AKAP3: variants seen among roughly 807,000 people sequenced by gnomAD.
The protein encoded by AKAP3 is A-kinase anchor protein 3.
A neutral mutation model predicts 57.2 loss-of-function variants in AKAP3; 27 were observed. The ratio of observed to expected loss-of-function variants is 0.47; its 90% CI spans 0.35 to 0.65. The LOEUF is 0.65. Among genes scored for constraint, AKAP3 ranks in the 30% least tolerant of loss-of-function variants. AKAP3 has a pLI of 0.01. For missense variants in AKAP3, 959 were observed against 1,040.0 expected, an observed-to-expected ratio of 0.92 and a Z score of 1.07; for synonymous variants, 334 against 392.3, an observed-to-expected ratio of 0.85 and a Z score of 1.76.
In AKAP3 at chr12:4,627,857, T is replaced by C. The variant is rs767482374; in HGVS notation, c.1045A>G (p.Met349Val). 22 of 1,614,038 alleles carry C rather than the reference T, an allele frequency of 1.4e-5. No individual in the cohort carries two copies. Among genetic ancestry groups the C allele is most frequent in the South Asian group, 3.3e-5 (3 of 91,076 alleles). The change falls in exon 5 of 6, where the codon ATG becomes GTG. Residue 349 changes from methionine to valine, a missense_variant. Met to Val is a conservative substitution (Grantham distance 21). Coordinates refer to ENST00000228850, the MANE Select transcript of AKAP3 (RefSeq NM_001278309.2). Reference protein sequence around the residue: ...RNLHSVTGTLMTDTQFVSAVK... With the variant: ...RNLHSVTGTLVTDTQFVSAVK... ...GCCGAGACAAACTGTGTGTCAGTCA[T>C]GAGGGTCCCTGTGACGCTGTGGAGA...
chr12:4,638,807 T>C (rs1945598272), intron 3 of AKAP3, among the ~76,000 whole-genome samples: 1 of 152,222 alleles, frequency 6.6e-6, no homozygotes, highest in Non-Finnish European at 1.5e-5. Flanking sequence ...AGAGATGTCA[T>C]GTGCGCCATT....
At chr12:4,622,964 A>T (rs56182400) in intron 5 of AKAP3, among the ~76,000 whole-genome samples, 3,302 of 152,312 alleles carry the variant, frequency 0.022, 98 homozygotes, top group African/African-American at 0.073. Flanking sequence ...TGGGCAAAGG[A>T]CACAAACAGA....
Position 4,625,496 on chromosome 12 carries a change from G to A in AKAP3, c.2406+1000C>T, listed in dbSNP as rs146305836. On this transcript the variant is annotated intron_variant, in intron 5 of 5. Transcript: ENST00000228850. This position sits in a 1 kb window ranked among gnomAD's most constrained non-coding sequence, Gnocchi z 5.4. Reference sequence around the variant, plus strand: ...TAAATATAGCGACCCAGTTGCAAGCGTTGCTAATACCATGTAAATACCACT... The same window carrying A: ...TAAATATAGCGACCCAGTTGCAAGCATTGCTAATACCATGTAAATACCACT... Among the ~76,000 whole-genome samples, 240 of 152,282 alleles carry A rather than the reference G, an allele frequency of 1.6e-3. No individual in the cohort carries two copies. The highest frequency in any genetic ancestry group is 2.5e-3 in the Non-Finnish European group (173 of 68,016).
In AKAP3 at chr12:4,626,532, C is replaced by A; in HGVS notation, c.2370G>T (p.Leu790Phe). The A allele has an allele frequency of 6.2e-7, 1 of 1,614,080 alleles. No individual in the cohort carries two copies. Residue 790 changes from leucine (L) to phenylalanine (F), a missense_variant, in exon 5 of 6, where the codon TTG (leucine) becomes TTT (phenylalanine). By Grantham distance (22) the Leu-to-Phe change is conservative. Coordinates refer to ENST00000228850, the MANE Select transcript of AKAP3 (RefSeq NM_001278309.2). ...TCCCTTCATCATCACCAGCAAAATACAAAATAGGGACATTGAGCTCAGAGG... is the reference window on the plus strand; with the variant it reads ...TCCCTTCATCATCACCAGCAAAATAAAAAATAGGGACATTGAGCTCAGAGG... ...VAASELNVPI[L>F]YFAGDDEGIQ...
intron 5 of AKAP3, among the ~76,000 whole-genome samples, chr12:4,617,320 AGAATTGCTAAAG>A (rs1945296670): frequency 6.6e-6 from 1 of 152,266 alleles, no homozygotes; most frequent in South Asian, 2.1e-4. Flanking sequence ...GTGTTCTAAA[AGAATTGCTAAAG>A]GAAGTTCTTC....
chr12:4,641,701 T>C (rs1216425518), intron 3 of AKAP3, among the ~76,000 whole-genome samples, 198 bp downstream of exon 3: 3 of 152,220 alleles, frequency 2.0e-5, no homozygotes, highest in Admixed American at 1.3e-4. Context: ...TGGAAGCAGT[T>C]TGTCCTAGAT....
At chr12:4,616,302 T>C (rs1272593202) in intron 5 of AKAP3, among the ~76,000 whole-genome samples, 1 of 152,170 alleles carries the variant, frequency 6.6e-6, no homozygotes, top group Non-Finnish European at 1.5e-5. Context: ...CTCATGAAAA[T>C]GTTTCCCAGA....
In AKAP3 at chr12:4,627,619, G is replaced by T. The variant is rs1228126922; in HGVS notation, c.1283C>A (p.Thr428Asn). ...AGAATACATTTTTTCTCTCAATTTAGTTTCAGATTTCATGGCAAAGTTCAC... is the reference window on the plus strand; with the variant it reads ...AGAATACATTTTTTCTCTCAATTTATTTTCAGATTTCATGGCAAAGTTCAC... ...RNVNFAMKSE[T>N]KLREKMYSEP... The change falls in exon 5 of 6, where the codon ACT (threonine) becomes AAT (asparagine). Residue 428 changes from threonine (T) to asparagine (N), a missense_variant. Transcript: ENST00000228850. 23 of 1,613,852 alleles carry T rather than the reference G, an allele frequency of 1.4e-5. No homozygotes were observed. Among genetic ancestry groups the T allele is most frequent in the Non-Finnish European group, 1.6e-5 (19 of 1,180,022 alleles).
chr12:4,626,444 C>T, intron 5 of AKAP3, 52 bp downstream of exon 5: 1 of 1,558,458 alleles, frequency 6.4e-7, no homozygotes, highest in Non-Finnish European at 8.7e-7. Context: ...GAACTTAAAG[C>T]CCTAGTTAAA....
chr12:4,623,149 A>T (rs1162249142), intron 5 of AKAP3, among the ~76,000 whole-genome samples: 1 of 152,212 alleles, frequency 6.6e-6, no homozygotes, highest in African/African-American at 2.4e-5. Flanking sequence ...ACACTTATAC[A>T]CTGTTGGTGG....
At chr12:4,641,830 T>G (rs1447012583) in intron 3 of AKAP3, 69 bp downstream of exon 3, 3 of 152,220 alleles carry the variant, frequency 2.0e-5, no homozygotes, top group Non-Finnish European at 4.4e-5. Context: ...TATTGCTTTA[T>G]TCAAGCTATA....
At chr12:4,620,275 A>G (rs1012860623) in intron 5 of AKAP3, among the ~76,000 whole-genome samples, 13 of 152,000 alleles carry the variant, frequency 8.6e-5, no homozygotes, top group African/African-American at 3.1e-4. Flanking sequence ...GTGAATCATG[A>G]GGTCAGGAGT....
chr12:4,615,927 C>T, intron 5 of AKAP3, 33 bp from the exon 6 acceptor site: 1 of 1,613,000 alleles, frequency 6.2e-7, no homozygotes, highest in African/African-American at 1.3e-5. Context: ...AGTGGTGAGG[C>T]ACAGCATCTC....
At position 4,638,205 on chromosome 12, in the gene AKAP3, AGGGG is replaced by A; in HGVS notation, c.1-13_1-10del. ...TCAACCTTTTCTGACATCTGGAAGC[AGGGG>A]AAAAAAATGAGAAAGGGTCATCACA... On this transcript the variant is annotated splice_polypyrimidine_tract_variant and intron_variant, in intron 3 of 5. Transcript: ENST00000228850. The A allele has an allele frequency of 6.3e-7, 1 of 1,590,940 alleles. No individual in the cohort carries two copies. Among genetic ancestry groups the A allele is most frequent in the South Asian group, 1.1e-5 (1 of 88,240 alleles).
At chr12:4,636,044 G>A (rs1164378922) in intron 4 of AKAP3, 14 of 1,495,994 alleles carry the variant, frequency 9.4e-6, no homozygotes, top group Middle Eastern at 1.7e-4. Flanking sequence ...TTCACAAAAC[G>A]AAGCACTAGG....
Position 4,635,408 on chromosome 12 carries a change from G to C in AKAP3, c.96+2693C>G. On this transcript the variant is annotated intron_variant, in intron 4 of 5. Coordinates refer to ENST00000228850, the MANE Select transcript of AKAP3 (RefSeq NM_001278309.2). ...CAGTAAGGGCTACTCCTCTTTTTCTGGCAGAATTTGCTTCTGGATTTTGTG... is the reference window on the plus strand; with the variant it reads ...CAGTAAGGGCTACTCCTCTTTTTCTCGCAGAATTTGCTTCTGGATTTTGTG... 3 of 725,874 alleles carry C rather than the reference G, an allele frequency of 4.1e-6. No homozygotes were observed. In the South Asian group the frequency reaches 4.6e-5, roughly 11 times the overall value. 45.0% of individuals were successfully genotyped at this position (725,874 alleles called of 1,614,324 possible).
intron 4 of AKAP3, chr12:4,631,405 A>G (rs1945496326): frequency 1.4e-6 from 1 of 690,814 alleles, no homozygotes; most frequent in Non-Finnish European, 2.6e-6. Flanking sequence ...TTTATGGTTT[A>G]TTTTTGCCAC....
At chr12:4,633,437 T>C (rs1945524619) in intron 4 of AKAP3, among the ~76,000 whole-genome samples, 1 of 152,174 alleles carries the variant, frequency 6.6e-6, no homozygotes, top group African/African-American at 2.4e-5. Flanking sequence ...TTATGTCTAT[T>C]ACTCCCCTCT....
chr12:4,636,136 G>T, intron 4 of AKAP3: 1 of 864,742 alleles, frequency 1.2e-6, no homozygotes, highest in Non-Finnish European at 1.9e-6. Context: ...TGAGCCATAG[G>T]GTCTTGCTTG....
Sources: gnomAD v4.1 joint callset for allele counts (sites outside exome capture counted in the v4.1 genomes callset) on GRCh38, gnomAD v4.1.1 for gene constraint, Gnocchi (gnomAD v3.1) non-coding constraint, MANE v1.5 for transcripts, NCBI Gene and HGNC (gene_info 2026-07-23, HGNC 2026-07-21) for gene names.